DKK2: variants seen among roughly 807,000 people sequenced by gnomAD.
DKK2 encodes the protein dickkopf Wnt signaling pathway inhibitor 2, also known as dickkopf-related protein 2.
A neutral mutation model predicts 28.1 loss-of-function variants in DKK2; 11 were observed. That is an observed-to-expected ratio of 0.39 (90% confidence interval 0.25 to 0.65). The LOEUF (loss-of-function observed/expected upper bound fraction) is 0.65, where lower values mean the gene tolerates loss of function less well. Among genes scored for constraint, DKK2 ranks in the 30% least tolerant of loss-of-function variants. The pLI is 0.47. For missense variants in DKK2, 326 were observed against 335.5 expected (o/e 0.97, Z 0.22); for synonymous variants, 135 against 126.5 (o/e 1.07, Z -0.45).
chr4:106,928,887 A>G (rs942333789), intron 1 of DKK2, among the ~76,000 whole-genome samples: 4 of 152,110 alleles, frequency 2.6e-5, no homozygotes, highest in Non-Finnish European at 4.4e-5. Flanking sequence ...TAGCCCCTCT[A>G]AAGTTTCTGG....
intron 1 of DKK2, among the ~76,000 whole-genome samples, chr4:106,938,646 G>A (rs1319883087): frequency 6.6e-6 from 1 of 152,108 alleles, no homozygotes; most frequent in Non-Finnish European, 1.5e-5. Context: ...AAGCCAGGCA[G>A]AGACACAACA....
intron 1 of DKK2, among the ~76,000 whole-genome samples, chr4:107,033,265 A>G (rs115808813): frequency 0.012 from 1,852 of 152,332 alleles, 33 homozygotes; most frequent in African/African-American, 0.042. Flanking sequence ...ATAATAAAAT[A>G]TATTCCATAG....
chr4:106,949,934 T>A (rs1263018448), intron 1 of DKK2, among the ~76,000 whole-genome samples: 1 of 152,110 alleles, frequency 6.6e-6, no homozygotes, highest in Non-Finnish European at 1.5e-5. Context: ...TTAAAAAAAT[T>A]ATAATAATAA....
At chr4:107,001,548 G>A (rs1723359389) in intron 1 of DKK2, among the ~76,000 whole-genome samples, 1 of 152,050 alleles carries the variant, frequency 6.6e-6, no homozygotes, top group African/African-American at 2.4e-5. Flanking sequence ...TAAAAAAAAC[G>A]AGTACTCTTT....
chr4:106,930,957 G>C (rs1290804953), intron 1 of DKK2, among the ~76,000 whole-genome samples: 1 of 152,146 alleles, frequency 6.6e-6, no homozygotes, highest in Non-Finnish European at 1.5e-5. Flanking sequence ...TCCTCATCAT[G>C]ATATTCTACA....
At chr4:106,977,089 G>A (rs1411389166) in intron 1 of DKK2, among the ~76,000 whole-genome samples, 1 of 152,104 alleles carries the variant, frequency 6.6e-6, no homozygotes, top group African/African-American at 2.4e-5. Context: ...TGGCTTGTAG[G>A]GTTTCTGCAG....
intron 1 of DKK2, among the ~76,000 whole-genome samples, chr4:107,000,780 T>C (rs1171693118): frequency 6.6e-6 from 1 of 152,208 alleles, no homozygotes; most frequent in Non-Finnish European, 1.5e-5. Flanking sequence ...CATTGTTTAT[T>C]ATTTCCATTT....
intron 1 of DKK2, among the ~76,000 whole-genome samples, chr4:106,983,337 GAAGAAAGAAAGA>G (rs1553923094): frequency 1.7e-4 from 21 of 120,430 alleles, no homozygotes; most frequent in East Asian, 2.9e-4. Flanking sequence ...AGGAAGAAAG[GAAGAAAGAAAGA>G]AAGAAAGAAA....
intron 1 of DKK2, among the ~76,000 whole-genome samples, chr4:107,030,367 A>G (rs1043502934): frequency 6.6e-6 from 1 of 152,106 alleles, no homozygotes; most frequent in African/African-American, 2.4e-5. Context: ...TGCATTCTAT[A>G]TTAAATCTTT....
intron 1 of DKK2, among the ~76,000 whole-genome samples, chr4:106,981,069 G>A (rs900974015): frequency 3.9e-5 from 6 of 151,980 alleles, no homozygotes; most frequent in South Asian, 2.1e-4. Context: ...TTTTGCCCAC[G>A]TGTCATATAA....
intron 1 of DKK2, among the ~76,000 whole-genome samples, chr4:106,927,626 G>A (rs1318038322): frequency 1.3e-5 from 2 of 152,122 alleles, no homozygotes; most frequent in South Asian, 2.1e-4. Flanking sequence ...GAATCTTAGT[G>A]AGATGAAATT....
At chr4:106,984,843 G>A (rs1723092474) in intron 1 of DKK2, among the ~76,000 whole-genome samples, 1 of 152,144 alleles carries the variant, frequency 6.6e-6, no homozygotes, top group Admixed American at 6.5e-5. Flanking sequence ...CAATAAAAAA[G>A]AATAAACTAT....
chr4:106,945,701 G>T (rs1346060950), intron 1 of DKK2, among the ~76,000 whole-genome samples: 1 of 152,082 alleles, frequency 6.6e-6, no homozygotes, highest in African/African-American at 2.4e-5. Flanking sequence ...TGTCTGGCTT[G>T]TTCACTGCTG....
intron 1 of DKK2, among the ~76,000 whole-genome samples, chr4:106,953,427 G>T (rs2110347488): frequency 6.6e-6 from 1 of 151,942 alleles, no homozygotes; most frequent in African/African-American, 2.4e-5. Flanking sequence ...CAGCAGTTCT[G>T]CTCTACATAA....
intron 1 of DKK2, among the ~76,000 whole-genome samples, chr4:106,964,906 T>C (rs1722744749): frequency 6.6e-6 from 1 of 151,574 alleles, no homozygotes; most frequent in Non-Finnish European, 1.5e-5. Context: ...ACATGATAGA[T>C]GATAGATAGG....
chr4:107,027,844 C>CG (rs1182833013), intron 1 of DKK2, among the ~76,000 whole-genome samples: 1 of 150,082 alleles, frequency 6.7e-6, no homozygotes, highest in African/African-American at 2.4e-5. Flanking sequence ...CTTCGCCTCC[C>CG]GGGTTCACGC....
chr4:107,031,841 G>A (rs1723879674), intron 1 of DKK2, among the ~76,000 whole-genome samples: 1 of 151,982 alleles, frequency 6.6e-6, no homozygotes, highest in African/African-American at 2.4e-5. Flanking sequence ...AGTAGTTTGG[G>A]TTTTTAAAAT....
At position 106,965,011 on chromosome 4, in the gene DKK2, T is replaced by A. The variant is rs537251196; in HGVS notation, c.223-39062A>T. Among the ~76,000 whole-genome samples the A allele has an allele frequency of 2.3e-3, 334 of 143,130 alleles. 1 individual carries two copies. The highest frequency in any genetic ancestry group is 7.6e-3 in the African/African-American group (292 of 38,486). The allele number at this position is 143,130 out of a possible 152,430, so 93.9% of individuals were successfully genotyped here. A position where few individuals can be genotyped will look rare whatever the true frequency, so the allele number is the denominator to read the frequency against. On this transcript the variant is annotated intron_variant, in intron 1 of 3. Transcript: ENST00000285311. ...TAGATAGATAGATAGATAGATTGATTGATTCTGATTCTCTGGAAACTTTGC... is the reference window on the plus strand; with the variant it reads ...TAGATAGATAGATAGATAGATTGATAGATTCTGATTCTCTGGAAACTTTGC...
chr4:107,012,359 T>C (rs1473088277), intron 1 of DKK2, among the ~76,000 whole-genome samples: 1 of 151,330 alleles, frequency 6.6e-6, no homozygotes, highest in Admixed American at 6.6e-5. Context: ...AGTATTTATT[T>C]GTGTTGAGAC....
Sources: allele counts gnomAD v4.1 joint callset (sites outside exome capture counted in the v4.1 genomes callset), GRCh38; gene constraint gnomAD v4.1.1; transcripts MANE v1.5; gene names NCBI Gene and HGNC (gene_info 2026-07-23, HGNC 2026-07-21).